The following CFDP1 variants were observed in gnomAD, a reference collection of about 807,000 sequenced individuals.
The protein encoded by CFDP1 is chromatin remodeling protein CFDP1.
CFDP1 carries 31 observed loss-of-function variants against 40.1 expected under a neutral mutation model. The observed-to-expected ratio is 0.77, with a 90% CI of 0.58 to 1.04. The LOEUF (loss-of-function observed/expected upper bound fraction) is 1.04, where lower values mean the gene tolerates loss of function less well. Among genes scored for constraint, CFDP1 ranks in the 50% least tolerant of loss-of-function variants. The pLI is 0.00. For synonymous variants in CFDP1, 167 were observed against 120.0 expected (o/e 1.39, Z -2.56); for missense variants, 423 against 343.4 (o/e 1.23, Z -1.83).
intron 2 of CFDP1, among the ~76,000 whole-genome samples, chr16:75,414,335 G>GA (rs1441309352): frequency 6.6e-6 from 1 of 152,130 alleles, no homozygotes; most frequent in African/African-American, 2.4e-5. Flanking sequence ...TTCAGGGACT[G>GA]AATTTTCTGT....
chr16:75,318,539 G>C (rs559620205), intron 5 of CFDP1, among the ~76,000 whole-genome samples: 1 of 151,900 alleles, frequency 6.6e-6, no homozygotes, highest in South Asian at 2.1e-4. Context: ...CCCAGCAGCT[G>C]GGACTACAGG....
intron 1 of CFDP1, among the ~76,000 whole-genome samples, chr16:75,427,836 C>T (rs2079358466): frequency 6.6e-6 from 1 of 151,920 alleles, no homozygotes; most frequent in South Asian, 2.1e-4. Flanking sequence ...AAATTGGAAA[C>T]AACCCAGTGT....
intron 4 of CFDP1, among the ~76,000 whole-genome samples, 161 bp from the exon 5 acceptor site, chr16:75,395,370 C>T (rs2078987556): frequency 1.3e-5 from 2 of 152,180 alleles, no homozygotes; most frequent in Admixed American, 6.5e-5. Flanking sequence ...TCAATAAAGA[C>T]ATTTGCCCAG....
At chr16:75,319,831 G>A (rs987954665) in intron 5 of CFDP1, among the ~76,000 whole-genome samples, 2 of 152,190 alleles carry the variant, frequency 1.3e-5, no homozygotes, top group African/African-American at 2.4e-5. Flanking sequence ...CAAGAATGGG[G>A]TTACTTAAGC....
At chr16:75,373,965 A>T (rs183471286) in intron 5 of CFDP1, among the ~76,000 whole-genome samples, 1 of 152,208 alleles carries the variant, frequency 6.6e-6, no homozygotes, top group Admixed American at 6.5e-5. Context: ...TGAAAATTAT[A>T]GAACTGGCCA....
chr16:75,362,162 T>A (rs895291111), intron 5 of CFDP1, among the ~76,000 whole-genome samples: 11 of 152,200 alleles, frequency 7.2e-5, no homozygotes, highest in Admixed American at 5.9e-4. Flanking sequence ...GTACTGTCAT[T>A]TCCTTTTCCA....
At position 75,317,185 on chromosome 16, in the gene CFDP1, A is replaced by G. The variant is rs2078329423; in HGVS notation, c.651-12003T>C. Among the ~76,000 whole-genome samples the G allele has an allele frequency of 3.9e-5, 6 of 152,124 alleles. No homozygotes were observed. In the South Asian group the frequency reaches 1.2e-3, roughly 32 times the overall value. On this transcript the variant is annotated intron_variant, in intron 5 of 6. Transcript: ENST00000283882. ...TCTCAAGGCCTGGTGCCTGGTACGC[A>G]TGAGGGTTAAATGACACGAAGTCAG...
chr16:75,367,834 G>C (rs2078725848), intron 5 of CFDP1, among the ~76,000 whole-genome samples: 1 of 151,534 alleles, frequency 6.6e-6, no homozygotes, highest in Admixed American at 6.6e-5. Context: ...ACCGGATATG[G>C]TGGCTCACGC....
At chr16:75,339,631 AC>A (rs1328259688) in intron 5 of CFDP1, among the ~76,000 whole-genome samples, 1 of 152,110 alleles carries the variant, frequency 6.6e-6, no homozygotes, top group East Asian at 1.9e-4. Flanking sequence ...TCTGACTTCC[AC>A]CTTTAATTTG....
chr16:75,368,103 T>C (rs970944437), intron 5 of CFDP1, among the ~76,000 whole-genome samples: 12 of 151,974 alleles, frequency 7.9e-5, no homozygotes, highest in African/African-American at 1.9e-4. Context: ...CTCAAACAAA[T>C]AAAACAAAAA....
intron 1 of CFDP1, among the ~76,000 whole-genome samples, chr16:75,418,571 A>G (rs1401269713): frequency 6.6e-6 from 1 of 152,044 alleles, no homozygotes; most frequent in Non-Finnish European, 1.5e-5. Context: ...GGCCTCCCAA[A>G]GTGCTGGGAT....
At chr16:75,392,037 C>T (rs1372422158) in intron 5 of CFDP1, among the ~76,000 whole-genome samples, 2 of 152,088 alleles carry the variant, frequency 1.3e-5, no homozygotes, top group Non-Finnish European at 1.5e-5. Flanking sequence ...GCAAACAATA[C>T]AATAAATGTA....
intron 5 of CFDP1, among the ~76,000 whole-genome samples, chr16:75,343,668 A>G (rs189677652): frequency 6.6e-6 from 1 of 152,352 alleles, no homozygotes; most frequent in East Asian, 1.9e-4. Context: ...GCTTCCAAAA[A>G]GAAACTAGGC....
intron 5 of CFDP1, among the ~76,000 whole-genome samples, chr16:75,349,678 A>ATATATATATATATATATATAT (rs1567653462): frequency 1.7e-4 from 1 of 5,906 alleles, no homozygotes; most frequent in Non-Finnish European, 3.3e-4. Context: ...AAAAAAAAAA[A>ATATATATATATATATATATAT]AAAAAAAAAA....
chr16:75,404,842 T>C (rs945584543), intron 4 of CFDP1, among the ~76,000 whole-genome samples: 6 of 152,158 alleles, frequency 3.9e-5, no homozygotes, highest in East Asian at 1.9e-4. Flanking sequence ...TCATCTTAGA[T>C]TGGATCTTAG....
At chr16:75,373,809 C>T (rs990431833) in intron 5 of CFDP1, among the ~76,000 whole-genome samples, 2 of 152,078 alleles carry the variant, frequency 1.3e-5, no homozygotes, top group African/African-American at 2.4e-5. Flanking sequence ...TTTACTAATC[C>T]TAATTGTAAT....
chr16:75,423,749 T>G (rs556997029), intron 1 of CFDP1, among the ~76,000 whole-genome samples: 55 of 152,254 alleles, frequency 3.6e-4, no homozygotes, highest in South Asian at 8.3e-4. Flanking sequence ...CTCCTGACCT[T>G]GAGATCCGCC....
chr16:75,329,564 C>T (rs1189910759), intron 5 of CFDP1, among the ~76,000 whole-genome samples: 3 of 152,146 alleles, frequency 2.0e-5, no homozygotes, highest in East Asian at 1.9e-4. Flanking sequence ...ATGATCATAA[C>T]TCATGGCAGC....
intron 2 of CFDP1, among the ~76,000 whole-genome samples, chr16:75,414,151 G>A (rs1166531325): frequency 6.6e-6 from 1 of 151,902 alleles, no homozygotes; most frequent in East Asian, 1.9e-4. Context: ...TCTCCAAGAT[G>A]TGAAATAAAG....
Sources: gnomAD v4.1 joint callset for allele counts (sites outside exome capture counted in the v4.1 genomes callset) on GRCh38, gnomAD v4.1.1 for gene constraint, MANE v1.5 for transcripts, NCBI Gene and HGNC (gene_info 2026-07-23, HGNC 2026-07-21) for gene names.